Variants in FAM222A observed in about 807,000 individuals in gnomAD.
FAM222A encodes the protein protein FAM222A.
A neutral mutation model predicts 25.8 loss-of-function variants in FAM222A; 7 were observed. The ratio of observed to expected loss-of-function variants is 0.27; its 90% CI spans 0.15 to 0.51. The LOEUF (loss-of-function observed/expected upper bound fraction) is 0.51. FAM222A is among the 20% of genes least tolerant of loss of function. The probability of loss-of-function intolerance (pLI) is 0.97; values close to 1 mark genes in which losing one functional copy is unlikely to be tolerated. For synonymous variants in FAM222A, 294 were observed against 298.8 expected, an observed-to-expected ratio of 0.98 and a Z score of 0.17; for missense variants, 573 against 640.5, an observed-to-expected ratio of 0.89 and a Z score of 1.14.
At chr12:109,749,215 TTC>T (rs1888491068) in intron 2 of FAM222A, among the ~76,000 whole-genome samples, 1 of 152,162 alleles carries the variant, frequency 6.6e-6, no homozygotes. Flanking sequence ...CAAGTGATTC[TTC>T]TGCCTCAGCC....
chr12:109,716,568 A>C (rs1309182102), intron 1 of FAM222A, among the ~76,000 whole-genome samples: 1 of 152,226 alleles, frequency 6.6e-6, no homozygotes, highest in African/African-American at 2.4e-5. Flanking sequence ...TTCCAAGGAC[A>C]GAGGAGCAAC....
At chr12:109,746,086 T>G (rs1375299509) in intron 2 of FAM222A, among the ~76,000 whole-genome samples, 1 of 152,224 alleles carries the variant, frequency 6.6e-6, no homozygotes, top group Non-Finnish European at 1.5e-5. Flanking sequence ...TTATCAGTAT[T>G]TCCTTTTATG....
At position 109,768,276 on chromosome 12, in the gene FAM222A, C is replaced by A; in HGVS notation, c.347C>A (p.Ala116Asp). The A allele has an allele frequency of 1.2e-6, 2 of 1,606,580 alleles. No homozygotes were observed. Residue 116 changes from alanine (A) to aspartate (D), a missense_variant, in exon 3 of 3, where the codon GCC (alanine) becomes GAC (aspartate). By Grantham distance (126) the Ala-to-Asp change is moderately radical. Around this residue, in one of 3 missense-constraint regions of FAM222A, gnomAD observed 412 missense variants for 407.0 expected, o/e 1.01. Transcript: ENST00000538780. ...GCCGCGGTTTCCTCCTCCAGCACGGCCGCACCAGCTGGGCCCGCCAAAAGT... is the reference window on the plus strand; with the variant it reads ...GCCGCGGTTTCCTCCTCCAGCACGGACGCACCAGCTGGGCCCGCCAAAAGT... ...VKAAVSSSST[A>D]APAGPAKSVL...
intron 1 of FAM222A, 64 bp from the exon 2 acceptor site, chr12:109,744,037 G>A: frequency 1.4e-6 from 2 of 1,473,750 alleles, no homozygotes; most frequent in Middle Eastern, 5.0e-4. Flanking sequence ...CTCCCGGGGG[G>A]AATGGTGGGA....
intron 1 of FAM222A, among the ~76,000 whole-genome samples, chr12:109,729,281 C>T (rs978652073): frequency 2.6e-5 from 4 of 152,170 alleles, no homozygotes; most frequent in Non-Finnish European, 5.9e-5. Context: ...TTAAATGCAG[C>T]AAACAGGGCA....
At chr12:109,727,554 A>G (rs1384272193) in intron 1 of FAM222A, among the ~76,000 whole-genome samples, 1 of 152,138 alleles carries the variant, frequency 6.6e-6, no homozygotes, top group African/African-American at 2.4e-5. Context: ...GCCAGCCCTG[A>G]GCCCAACACT....
At chr12:109,764,415 TTTC>T (rs891536094) in intron 2 of FAM222A, among the ~76,000 whole-genome samples, 6 of 152,180 alleles carry the variant, frequency 3.9e-5, no homozygotes, top group African/African-American at 7.2e-5. Context: ...ACTCCTTTTT[TTTC>T]TTCTTCTTCT....
chr12:109,742,611 C>CG (rs1555289712), intron 1 of FAM222A, among the ~76,000 whole-genome samples: 1 of 142,240 alleles, frequency 7.0e-6, no homozygotes, highest in Non-Finnish European at 1.5e-5. Context: ...CTCTCTCGCT[C>CG]TTTTTTTTTT....
chr12:109,744,105 C>G lies in FAM222A; in HGVS notation c.-42C>G, dbSNP rs759850905. 3 of 1,601,936 alleles carry G rather than the reference C, an allele frequency of 1.9e-6. No homozygotes were observed. In the East Asian group the frequency reaches 6.7e-5, roughly 36 times the overall value. On this transcript the variant is annotated 5_prime_UTR_variant, in exon 2 of 3. Transcript: ENST00000538780. ...CACCCCATCTTCCTCCTGCAGGGAC[C>G]CAGTCGCAGAGCGCACCCCACTGGG...
intron 2 of FAM222A, among the ~76,000 whole-genome samples, chr12:109,751,495 G>A (rs1261561221): frequency 6.6e-6 from 1 of 152,152 alleles, no homozygotes; most frequent in African/African-American, 2.4e-5. Context: ...TTACTAGGAG[G>A]AAATGAGTTT....
chr12:109,717,678 A>G (rs1053194766), intron 1 of FAM222A, among the ~76,000 whole-genome samples: 1 of 152,154 alleles, frequency 6.6e-6, no homozygotes, highest in Non-Finnish European at 1.5e-5. Context: ...GGATCCATTG[A>G]TCTCCTTTGA....
At chr12:109,762,659 G>A (rs1888932496) in intron 2 of FAM222A, among the ~76,000 whole-genome samples, 1 of 152,222 alleles carries the variant, frequency 6.6e-6, no homozygotes, top group African/African-American at 2.4e-5. Context: ...TTTCAAGGGA[G>A]AGTCTAGAGC....
At position 109,761,302 on chromosome 12, in the gene FAM222A, C is replaced by G. The variant is rs138570305; in HGVS notation, c.83-6710C>G. Among the ~76,000 whole-genome samples the G allele has an allele frequency of 1.8e-4, 27 of 152,172 alleles. No individual in the cohort carries two copies. In the East Asian group the frequency reaches 4.8e-3, roughly 27 times the overall value. ...CTGCCTCACCAAGGTGGGTGGCGAG[C>G]CAGAAGGGTCCACGGGAGTACGAGG... On this transcript the variant is annotated intron_variant, in intron 2 of 2. Coordinates refer to ENST00000538780, the MANE Select transcript of FAM222A (RefSeq NM_032829.3).
chr12:109,748,514 T>C (rs1888471413), intron 2 of FAM222A, among the ~76,000 whole-genome samples: 1 of 152,124 alleles, frequency 6.6e-6, no homozygotes, highest in Non-Finnish European at 1.5e-5. Context: ...TGCAGTTATT[T>C]GGGGTGAGTG....
At chr12:109,767,903 A>G (rs930957116) in intron 2 of FAM222A, 109 bp from the exon 3 acceptor site, 2 of 1,075,852 alleles carry the variant, frequency 1.9e-6, no homozygotes, top group Admixed American at 2.6e-5. Context: ...AGAAGGAATA[A>G]GGAGTAAAAT....
In FAM222A at chr12:109,714,801, G is replaced by C. The variant is rs824999; in HGVS notation, c.-143G>C. On this transcript the variant is annotated 5_prime_UTR_variant, in exon 1 of 3. Coordinates refer to ENST00000538780, the MANE Select transcript of FAM222A (RefSeq NM_032829.3). The surrounding 1 kb of genome is among the most constrained non-coding windows in gnomAD (Gnocchi z 4.2). ...GGCATCGACCCCCAAGGAGGGCTTC[G>C]TCAGGCAGCCTCTGCCACTCCTGCA... 0.87 allele frequency: 132,695 copies of C among 152,338 alleles called. 57,960 individuals are homozygous for C. Among genetic ancestry groups the C allele is most frequent in the East Asian group, 0.97 (5,016 of 5,162 alleles). 9.4% of individuals were successfully genotyped at this position (152,338 alleles called of 1,614,324 possible).
chr12:109,755,611 A>T (rs1341242140), intron 2 of FAM222A, among the ~76,000 whole-genome samples: 1 of 152,118 alleles, frequency 6.6e-6, no homozygotes, highest in African/African-American at 2.4e-5. Flanking sequence ...TACAGGCATG[A>T]GCCACCGCAC....
At chr12:109,764,249 G>A (rs1888981494) in intron 2 of FAM222A, among the ~76,000 whole-genome samples, 1 of 111,258 alleles carries the variant, frequency 9.0e-6, no homozygotes, top group Non-Finnish European at 1.9e-5. Flanking sequence ...CCATGGCCCT[G>A]GAGCCTAGCA....
Position 109,769,322 on chromosome 12 carries a change from G to C in FAM222A, c.*34G>C. 4.5e-6 allele frequency: 7 copies of C among 1,557,354 alleles called. No individual in the cohort carries two copies. Among genetic ancestry groups the C allele is most frequent in the Non-Finnish European group, 6.1e-6 (7 of 1,150,888 alleles). ...CTGCGGACATACGGACATGCGGACA[G>C]GGCGCAGAGCCGGGAGGCAGGCCGC... On this transcript the variant is annotated 3_prime_UTR_variant, in exon 3 of 3. Transcript: ENST00000538780.
Sources: allele counts gnomAD v4.1 joint callset (sites outside exome capture counted in the v4.1 genomes callset), GRCh38; gene constraint gnomAD v4.1.1; regional missense constraint gnomAD v4.1.1; non-coding constraint Gnocchi (gnomAD v3.1); transcripts MANE v1.5; gene names NCBI Gene and HGNC (gene_info 2026-07-23, HGNC 2026-07-21).